Variants in PSTPIP1 observed in about 807,000 individuals in gnomAD.
PSTPIP1 encodes the protein proline-serine-threonine phosphatase interacting protein 1, also known as proline-serine-threonine phosphatase-interacting protein 1.
Under a neutral mutation model 69.6 loss-of-function variants are expected in PSTPIP1, and 66 were observed. The ratio of observed to expected loss-of-function variants is 0.95; its 90% CI spans 0.78 to 1.16. PSTPIP1 has a LOEUF of 1.16. Ranked by LOEUF, PSTPIP1 falls within the 50% of genes most tolerant of loss-of-function variation. The pLI is 0.00. For missense variants in PSTPIP1, 603 were observed against 557.4 expected, an observed-to-expected ratio of 1.08 and a Z score of -0.82; for synonymous variants, 266 against 222.7, an observed-to-expected ratio of 1.19 and a Z score of -1.73.
intron 14 of PSTPIP1, among the ~76,000 whole-genome samples, chr15:77,036,266 C>A (rs776525737): frequency 4.6e-5 from 7 of 152,188 alleles, no homozygotes; most frequent in Non-Finnish European, 1.0e-4. Flanking sequence ...ATGCCGTCCA[C>A]ACAGGCTGGG....
At position 77,032,185 on chromosome 15, in the gene PSTPIP1, C is replaced by A. The variant is rs897729653; in HGVS notation, c.742-113C>A. The A allele has an allele frequency of 3.9e-6, 4 of 1,037,420 alleles. No homozygotes were observed. The South Asian group carries it at 4.5e-5, about 12-fold the overall frequency. The allele number at this position is 1,037,420 out of a possible 1,614,324, so 64.3% of individuals were successfully genotyped here. ...CCCCTCAGGATCAAAGACCCCGAGC[C>A]GCGCACAATGGCCTGTGAGGAGGCC... On this transcript the variant is annotated intron_variant, in intron 10 of 14. Transcript: ENST00000558012.
At chr15:77,034,070 A>C (rs950840477) in intron 12 of PSTPIP1, among the ~76,000 whole-genome samples, 20 of 152,014 alleles carry the variant, frequency 1.3e-4, no homozygotes, top group Non-Finnish European at 2.5e-4. Flanking sequence ...TGCAGGGCCG[A>C]GGGAGGCCTG....
At chr15:77,001,673 T>C (rs965571042) in intron 1 of PSTPIP1, among the ~76,000 whole-genome samples, 5 of 152,352 alleles carry the variant, frequency 3.3e-5, no homozygotes, top group African/African-American at 9.6e-5. Flanking sequence ...CCTTTCCTGA[T>C]TGGGAAAGCT....
intron 2 of PSTPIP1, 98 bp from the exon 3 acceptor site, chr15:77,018,359 G>A (rs751528894): frequency 1.8e-5 from 28 of 1,534,858 alleles, no homozygotes; most frequent in East Asian, 2.4e-5. Context: ...GTCAGAACAC[G>A]CCCTGCTTTA....
In PSTPIP1 at chr15:77,003,726, A is replaced by G. The variant is rs112701383; in HGVS notation, c.36+8117A>G. ...CACCCAACCCTCACCCACACTTGCTAGGTGGCCTTGGAGAATCATTTTCCC... is the reference window on the plus strand; with the variant it reads ...CACCCAACCCTCACCCACACTTGCTGGGTGGCCTTGGAGAATCATTTTCCC... On this transcript the variant is annotated intron_variant, in intron 1 of 14. Transcript: ENST00000558012. Among the ~76,000 whole-genome samples, 1,378 of 151,704 alleles carry G rather than the reference A, an allele frequency of 9.1e-3. 16 individuals carry two copies. The highest frequency in any genetic ancestry group is 0.032 in the African/African-American group (1,314 of 41,390).
chr15:77,031,162 C>T lies in PSTPIP1; in HGVS notation c.643-18C>T, dbSNP rs1246574846. On this transcript the variant is annotated intron_variant, in intron 9 of 14. Transcript: ENST00000558012. Reference sequence around the variant, plus strand: ...GCAGCCGCCTCCTCACTGCTCACCTCCCTCCCACTGCCCCCAGGCCTTTCA... The same window carrying T: ...GCAGCCGCCTCCTCACTGCTCACCTTCCTCCCACTGCCCCCAGGCCTTTCA... 2 of 1,609,638 alleles carry T rather than the reference C, an allele frequency of 1.2e-6. No homozygotes were observed. The highest frequency in any genetic ancestry group is 3.3e-5 in the Admixed American group (2 of 59,956).
In PSTPIP1 at chr15:77,021,678, TA is replaced by T. The variant is rs945461978; in HGVS notation, c.212+3156del. On this transcript the variant is annotated intron_variant, in intron 3 of 14. Coordinates refer to ENST00000558012, the MANE Select transcript of PSTPIP1 (RefSeq NM_003978.5). ...TGGGCTGCAGAGCGAGACTCCATCT[TA>T]AAAAAAAAGATAGTGTTAGTATTTG... Among the ~76,000 whole-genome samples, 12 of 151,484 alleles carry T rather than the reference TA, an allele frequency of 7.9e-5. No homozygotes were observed. The East Asian group carries it at 1.9e-3, about 24-fold the overall frequency.
rs763395091 is a variant in PSTPIP1 at position 77,028,545 on chromosome 15, C to A, written c.418-9C>A. 65 of 1,593,334 alleles carry A rather than the reference C, an allele frequency of 4.1e-5. No individual in the cohort carries two copies. The highest frequency in any genetic ancestry group is 5.3e-5 in the Non-Finnish European group (62 of 1,170,952). ...GCAGCCCCCAAGTCACGCCCCTCCACACCCCCAGTCCAAGAAGACATACGA... is the reference window on the plus strand; with the variant it reads ...GCAGCCCCCAAGTCACGCCCCTCCAAACCCCCAGTCCAAGAAGACATACGA... On this transcript the variant is annotated splice_polypyrimidine_tract_variant and intron_variant, in intron 6 of 14. Coordinates refer to ENST00000558012, the MANE Select transcript of PSTPIP1 (RefSeq NM_003978.5).
intron 1 of PSTPIP1, among the ~76,000 whole-genome samples, chr15:77,002,827 G>C (rs976547007): frequency 4.6e-5 from 7 of 150,738 alleles, no homozygotes; most frequent in African/African-American, 1.7e-4. Flanking sequence ...GAACCCACAT[G>C]CTTTTCCTGG....
At chr15:77,020,691 C>A (rs1244515242) in intron 3 of PSTPIP1, among the ~76,000 whole-genome samples, 1 of 152,170 alleles carries the variant, frequency 6.6e-6, no homozygotes, top group Non-Finnish European at 1.5e-5. Flanking sequence ...TAGTCCTTTG[C>A]ATTAGGGCCC....
In PSTPIP1 at chr15:77,029,715, C is replaced by T. The variant is rs116142711; in HGVS notation, c.562+141C>T. The T allele has an allele frequency of 2.6e-3, 2,734 of 1,031,746 alleles. 34 individuals are homozygous for T. In the African/African-American group the frequency reaches 0.035, roughly 13 times the overall value. 63.9% of individuals were successfully genotyped at this position (1,031,746 alleles called of 1,614,324 possible). On this transcript the variant is annotated intron_variant, in intron 8 of 14. Coordinates refer to ENST00000558012, the MANE Select transcript of PSTPIP1 (RefSeq NM_003978.5). ...CGGCGCTCTCATTCCAGATATGTGC[C>T]GTCAAAGTAAACGCTGTGTTCCCCC...
At position 77,025,235 on chromosome 15, in the gene PSTPIP1, G is replaced by A. The variant is rs372064325; in HGVS notation, c.213-49G>A. On this transcript the variant is annotated intron_variant, in intron 3 of 14. Coordinates refer to ENST00000558012, the MANE Select transcript of PSTPIP1 (RefSeq NM_003978.5). ...CGCCGGGAGGCAGCCTGGACTGTAG[G>A]TTCCCGCTGTGCTCTCCTCCTCCTG... 6 of 1,563,346 alleles carry A rather than the reference G, an allele frequency of 3.8e-6. No homozygotes were observed. In the African/African-American group the frequency reaches 4.1e-5, roughly 11 times the overall value.
chr15:77,027,929 C>A lies in PSTPIP1; in HGVS notation c.417+15C>A. The stretch of plus-strand genomic sequence containing the variant: ...AGGCCATGGAGGTGAGCGCCAGGGC[C>A]TGGGGCCGCGGCCTTCCCTCGAGGA... On this transcript the variant is annotated intron_variant, in intron 6 of 14. Coordinates refer to ENST00000558012, the MANE Select transcript of PSTPIP1 (RefSeq NM_003978.5). The surrounding 1 kb of genome is among the most constrained non-coding windows in gnomAD (Gnocchi z 4.3). The A allele has an allele frequency of 6.4e-7, 1 of 1,550,912 alleles. No individual in the cohort carries two copies. Among genetic ancestry groups the A allele is most frequent in the East Asian group, 2.4e-5 (1 of 41,218 alleles).
intron 1 of PSTPIP1, among the ~76,000 whole-genome samples, chr15:77,010,180 C>A (rs980353699): frequency 7.2e-5 from 11 of 152,208 alleles, no homozygotes; most frequent in Admixed American, 7.2e-4. Context: ...TCCTAGTGAG[C>A]CTCCAACTGC....
upstream of PSTPIP1, chr15:76,994,824 C>T: frequency 7.8e-7 from 1 of 1,289,128 alleles, no homozygotes. Context: ...GGGTAAGCCC[C>T]TCCAGAATGA....
chr15:77,009,987 G>A (rs76709699), intron 1 of PSTPIP1, among the ~76,000 whole-genome samples: 20 of 152,148 alleles, frequency 1.3e-4, no homozygotes, highest in Non-Finnish European at 4.4e-5. Flanking sequence ...GCAAGGAGCC[G>A]TGCTCTTCCT....
intron 1 of PSTPIP1, among the ~76,000 whole-genome samples, chr15:77,007,587 C>A (rs2075840724): frequency 1.3e-5 from 2 of 150,580 alleles, no homozygotes; most frequent in African/African-American, 4.9e-5. Flanking sequence ...CCAGCCTGGG[C>A]AACAGAACAC....
chr15:77,022,138 T>A (rs533349129), intron 3 of PSTPIP1, among the ~76,000 whole-genome samples: 69 of 152,354 alleles, frequency 4.5e-4, no homozygotes, highest in African/African-American at 1.5e-3. Flanking sequence ...TTTTAAAATT[T>A]TTTTCATGGT....
intron 1 of PSTPIP1, among the ~76,000 whole-genome samples, chr15:77,007,201 A>G (rs977873199): frequency 2.6e-5 from 4 of 152,124 alleles, no homozygotes; most frequent in Non-Finnish European, 5.9e-5. Flanking sequence ...ACTCTTCTTC[A>G]AGGAGGGTCT....
Sources: allele counts gnomAD v4.1 joint callset (sites outside exome capture counted in the v4.1 genomes callset), GRCh38; gene constraint gnomAD v4.1.1; non-coding constraint Gnocchi (gnomAD v3.1); transcripts MANE v1.5; gene names NCBI Gene and HGNC (gene_info 2026-07-23, HGNC 2026-07-21).